The following BRIP1 variants were observed in gnomAD, a reference collection of about 807,000 sequenced individuals.
BRIP1 encodes the protein Fanconi anemia group J protein.
BRIP1 carries 88 observed loss-of-function variants against 119.7 expected under a neutral mutation model. The ratio of observed to expected loss-of-function variants is 0.74; its 90% confidence interval spans 0.62 to 0.88. The LOEUF is 0.88. Among genes scored for constraint, BRIP1 ranks in the 40% least tolerant of loss-of-function variants. The pLI, the probability that BRIP1 is intolerant of heterozygous loss-of-function variation, is 0.00. For missense variants in BRIP1, 1,259 were observed against 1,455.4 expected, an observed-to-expected ratio of 0.87 and a Z score of 2.20; for synonymous variants, 443 against 496.5, an observed-to-expected ratio of 0.89 and a Z score of 1.43.
rs1567837564 is a variant in BRIP1 at position 61,808,468 on chromosome 17, T to A, written c.917A>T (p.Asn306Ile). ...CTAACACAAAATAACTTTACTCACG[T>A]TTTTCCCATCTAGCAATTCCATGCA... ...EKCMELLDGK[N>I]GKSCYFYHGV... is the part of the protein sequence containing the mutation. Residue 306 changes from asparagine to isoleucine, a missense_variant and splice_region_variant, in exon 7 of 20, where the codon AAC becomes ATC. Physicochemically the swap from Asn to Ile is moderately radical, Grantham distance 149. Coordinates refer to ENST00000259008, the MANE Select transcript of BRIP1 (RefSeq NM_032043.3). This position sits in a 1 kb window ranked among gnomAD's most constrained non-coding sequence, Gnocchi z 4.1. 6.2e-7 allele frequency: 1 copy of A among 1,611,924 alleles called. No individual in the cohort carries two copies. Among genetic ancestry groups the A allele is most frequent in the Non-Finnish European group, 8.5e-7 (1 of 1,177,998 alleles).
chr17:61,709,186 T>C lies in BRIP1; in HGVS notation c.2492+6765A>G, dbSNP rs749088496. ...TAAATCTGAAAGTGCTTGTTGACTA[T>C]CATCAATGTAGATTTAAATTTCAGC... On this transcript the variant is annotated intron_variant, in intron 17 of 19. Transcript: ENST00000259008. This position sits in a 1 kb window ranked among gnomAD's most constrained non-coding sequence, Gnocchi z 5.0. Among the ~76,000 whole-genome samples the C allele has an allele frequency of 1.3e-5, 2 of 152,224 alleles. No individual in the cohort carries two copies. Among genetic ancestry groups the C allele is most frequent in the Non-Finnish European group, 2.9e-5 (2 of 68,040 alleles).
In BRIP1 at chr17:61,794,749, A is replaced by G. The variant is rs1378135534; in HGVS notation, c.1341-1020T>C. Among the ~76,000 whole-genome samples, 2 of 151,992 alleles carry G rather than the reference A, an allele frequency of 1.3e-5. No individual in the cohort carries two copies. The highest frequency in any genetic ancestry group is 2.9e-5 in the Non-Finnish European group (2 of 67,964). On this transcript the variant is annotated intron_variant, in intron 9 of 19. Coordinates refer to ENST00000259008, the MANE Select transcript of BRIP1 (RefSeq NM_032043.3). This position sits in a 1 kb window ranked among gnomAD's most constrained non-coding sequence, Gnocchi z 4.3. ...GGTAATTATATACAAATAAATTATG[A>G]AAATAAATTAGTTTAATATAACCTA...
Position 61,844,666 on chromosome 17 carries a change from A to G in BRIP1, c.627+2435T>C, listed in dbSNP as rs1246662358. Among the ~76,000 whole-genome samples, 1 of 152,266 alleles carries G rather than the reference A, an allele frequency of 6.6e-6. No individual in the cohort carries two copies. Among genetic ancestry groups the G allele is most frequent in the African/African-American group, 2.4e-5 (1 of 41,476 alleles). ...AGGTGACTCTATACTTGATTTGTTT[A>G]TCTGTGAGCTTCTACATATTTCTTT... On this transcript the variant is annotated intron_variant, in intron 6 of 19. Transcript: ENST00000259008. The surrounding 1 kb of genome is among the most constrained non-coding windows in gnomAD (Gnocchi z 4.7).
At position 61,844,683 on chromosome 17, in the gene BRIP1, T is replaced by C. The variant is rs1052383775; in HGVS notation, c.627+2418A>G. On this transcript the variant is annotated intron_variant, in intron 6 of 19. Transcript: ENST00000259008. The surrounding 1 kb of genome is among the most constrained non-coding windows in gnomAD (Gnocchi z 4.7). ...ATTTGTTTATCTGTGAGCTTCTACA[T>C]ATTTCTTTCCTTATCTTGGTGTTAG... Among the ~76,000 whole-genome samples, 5 of 152,350 alleles carry C rather than the reference T, an allele frequency of 3.3e-5. No homozygotes were observed. Among genetic ancestry groups the C allele is most frequent in the Non-Finnish European group, 5.9e-5 (4 of 68,020 alleles).
rs372799558 is a variant in BRIP1 at position 61,683,523 on chromosome 17, T to C, written c.3523A>G (p.Thr1175Ala). The C allele has an allele frequency of 6.8e-6, 11 of 1,613,420 alleles. No homozygotes were observed. In the African/African-American group the frequency reaches 1.3e-4, roughly 20 times the overall value. Residue 1175 changes from threonine (T) to alanine (A), a missense_variant, in exon 20 of 20, where the codon ACT becomes GCT. Physicochemically the swap from Thr to Ala is moderately conservative, Grantham distance 58 (BLOSUM62 0). Transcript: ENST00000259008. This position sits in a 1 kb window ranked among gnomAD's most constrained non-coding sequence, Gnocchi z 4.7. Reference sequence around the variant, plus strand: ...CTGGCTGAATCTACTTCTTTTATAGTTCTAATTTCAAAAAGGTCTTTAGCT... The same window carrying C: ...CTGGCTGAATCTACTTCTTTTATAGCTCTAATTTCAAAAAGGTCTTTAGCT... ...ILAKDLFEIR[T>A]IKEVDSAREV...
rs2076970714 is a variant in BRIP1 at position 61,740,372 on chromosome 17, C to A, written c.2379+2641G>T. ...TTCTGATTTGGCAGGTCTGGATGAG[C>A]CTGAAAGTCTTTATTTCTATTAAGT... On this transcript the variant is annotated intron_variant, in intron 16 of 19. Transcript: ENST00000259008. This position sits in a 1 kb window ranked among gnomAD's most constrained non-coding sequence, Gnocchi z 5.4. 6.6e-6 allele frequency among the ~76,000 whole-genome samples: 1 copy of A among 152,096 alleles called. No individual in the cohort carries two copies. The highest frequency in any genetic ancestry group is 6.5e-5 in the Admixed American group (1 of 15,274).
intron 8 of BRIP1, among the ~76,000 whole-genome samples, 185 bp downstream of exon 8, chr17:61,801,068 G>A (rs2077981699): frequency 6.6e-6 from 1 of 152,020 alleles, no homozygotes; most frequent in South Asian, 2.1e-4. Flanking sequence ...TGTTATTTTG[G>A]AAATTAAAAT....
At position 61,828,991 on chromosome 17, in the gene BRIP1, C is replaced by G. The variant is rs1489931931; in HGVS notation, c.627+18110G>C. 6.6e-6 allele frequency among the ~76,000 whole-genome samples: 1 copy of G among 151,936 alleles called. No individual in the cohort carries two copies. Among genetic ancestry groups the G allele is most frequent in the Non-Finnish European group, 1.5e-5 (1 of 67,970 alleles). On this transcript the variant is annotated intron_variant, in intron 6 of 19. Transcript: ENST00000259008. This position sits in a 1 kb window ranked among gnomAD's most constrained non-coding sequence, Gnocchi z 4.1. ...AAACTAAGAGGTATACTTAAGAAGA[C>G]AGTGGTGAAGGTAAAGTAGAATCCT...
At chr17:61,766,234 C>T (rs750947937) in intron 14 of BRIP1, among the ~76,000 whole-genome samples, 5 of 152,116 alleles carry the variant, frequency 3.3e-5, no homozygotes, top group Admixed American at 6.6e-5. Flanking sequence ...GAATTGTCTA[C>T]TCAGAATGTA....
At position 61,708,328 on chromosome 17, in the gene BRIP1, T is replaced by G. The variant is rs140437097; in HGVS notation, c.2492+7623A>C. 5.3e-5 allele frequency among the ~76,000 whole-genome samples: 8 copies of G among 152,322 alleles called. No homozygotes were observed. In the East Asian group the frequency reaches 1.5e-3, roughly 29 times the overall value. ...AAATCTCATGCTGTCCCACTCAGGA[T>G]GTTAATCATCCCTTTGTCCACCATG... On this transcript the variant is annotated intron_variant, in intron 17 of 19. Coordinates refer to ENST00000259008, the MANE Select transcript of BRIP1 (RefSeq NM_032043.3). The surrounding 1 kb of genome is among the most constrained non-coding windows in gnomAD (Gnocchi z 4.4).
At chr17:61,719,193 AT>A (rs544157166) in intron 16 of BRIP1, among the ~76,000 whole-genome samples, 2 of 134,924 alleles carry the variant, frequency 1.5e-5, no homozygotes, top group Non-Finnish European at 3.2e-5. Flanking sequence ...CCCCATGTTT[AT>A]TGCAGCACTA....
rs1555618716 is a variant in BRIP1, at chr17:61,861,471, C to CG, written c.68dup (p.Ser24ValfsTer45). 1 of 1,612,376 alleles carries CG rather than the reference C, an allele frequency of 6.2e-7. No homozygotes were observed. The highest frequency in any genetic ancestry group is 1.3e-5 in the African/African-American group (1 of 74,978). On this transcript the variant is annotated frameshift_variant, in exon 2 of 20. Transcript: ENST00000259008. LOFTEE classifies it high-confidence loss of function. The surrounding 1 kb of genome is among the most constrained non-coding windows in gnomAD (Gnocchi z 4.5). ...CAGAATTCATCATAGCAAGCTGTGA[C>CG]GGGTAAGCTTTATAAGGAAAGTAAA... is the stretch of plus-strand genomic sequence containing the variant.
At position 61,746,744 on chromosome 17, in the gene BRIP1, G is replaced by T. The variant is rs2077063159; in HGVS notation, c.2098-2153C>A. ...AATAAACAGCAATATAAGAGGAGTA[G>T]GAAAGTCATATATCTAACCTTCAGT... On this transcript the variant is annotated intron_variant, in intron 14 of 19. Coordinates refer to ENST00000259008, the MANE Select transcript of BRIP1 (RefSeq NM_032043.3). The surrounding 1 kb of genome is among the most constrained non-coding windows in gnomAD (Gnocchi z 4.9). 6.6e-6 allele frequency among the ~76,000 whole-genome samples: 1 copy of T among 152,014 alleles called. No homozygotes were observed. The highest frequency in any genetic ancestry group is 2.1e-4 in the South Asian group (1 of 4,828).
In BRIP1 at chr17:61,689,482, GAA is replaced by G. The variant is rs2061415813; in HGVS notation, c.2576-3319_2576-3318del. ...ACACATTCTGGGAGTCCTAGAAAGA[GAA>G]AGAGAGAAAGGAGCAGAAAGCTTAT... On this transcript the variant is annotated intron_variant, in intron 18 of 19. Transcript: ENST00000259008. This position sits in a 1 kb window ranked among gnomAD's most constrained non-coding sequence, Gnocchi z 4.5. 6.6e-6 allele frequency among the ~76,000 whole-genome samples: 1 copy of G among 152,120 alleles called. No individual in the cohort carries two copies. Among genetic ancestry groups the G allele is most frequent in the African/African-American group, 2.4e-5 (1 of 41,432 alleles).
rs149538258 is a variant in BRIP1, at chr17:61,753,082, G to C, written c.2098-8491C>G. Among the ~76,000 whole-genome samples the C allele has an allele frequency of 4.1e-3, 630 of 152,076 alleles. 4 individuals are homozygous for C. Among genetic ancestry groups the C allele is most frequent in the African/African-American group, 0.014 (592 of 41,482 alleles). On this transcript the variant is annotated intron_variant, in intron 14 of 19. Transcript: ENST00000259008. The surrounding 1 kb of genome is among the most constrained non-coding windows in gnomAD (Gnocchi z 4.6). ...GTATTAATGGCTTATCATGGGAGTG[G>C]GACTAGTGGCTTTATACAAAAAGGA... is the stretch of plus-strand genomic sequence containing the variant.
rs1319670574 is a variant in BRIP1, at chr17:61,832,570, GATAA to G, written c.627+14527_627+14530del. On this transcript the variant is annotated intron_variant, in intron 6 of 19. Coordinates refer to ENST00000259008, the MANE Select transcript of BRIP1 (RefSeq NM_032043.3). This position sits in a 1 kb window ranked among gnomAD's most constrained non-coding sequence, Gnocchi z 5.5. The stretch of plus-strand genomic sequence containing the variant: ...TCACTTCTGTGACATTCCTGCCAAA[GATAA>G]ATAACCTCAGTCTAATGAGAAAACC... Among the ~76,000 whole-genome samples the G allele has an allele frequency of 5.9e-5, 9 of 152,272 alleles. No individual in the cohort carries two copies. The highest frequency in any genetic ancestry group is 2.2e-4 in the African/African-American group (9 of 41,570).
chr17:61,695,490 A>G lies in BRIP1; in HGVS notation c.2493-1978T>C, dbSNP rs2061506726. 6.6e-6 allele frequency among the ~76,000 whole-genome samples: 1 copy of G among 152,110 alleles called. No individual in the cohort carries two copies. The highest frequency in any genetic ancestry group is 1.5e-5 in the Non-Finnish European group (1 of 67,970). On this transcript the variant is annotated intron_variant, in intron 17 of 19. Transcript: ENST00000259008. The surrounding 1 kb of genome is among the most constrained non-coding windows in gnomAD (Gnocchi z 4.3). ...TCTGGGTTCCTTGCTTTTCCATAAT[A>G]ATTTTAGAATCAGCTTCTCAATTCC...
In BRIP1 at chr17:61,762,353, G is replaced by A. The variant is rs1316810375; in HGVS notation, c.2097+14048C>T. Among the ~76,000 whole-genome samples the A allele has an allele frequency of 6.6e-6, 1 of 152,004 alleles. No homozygotes were observed. Among genetic ancestry groups the A allele is most frequent in the East Asian group, 1.9e-4 (1 of 5,186 alleles). On this transcript the variant is annotated intron_variant, in intron 14 of 19. Coordinates refer to ENST00000259008, the MANE Select transcript of BRIP1 (RefSeq NM_032043.3). The surrounding 1 kb of genome is among the most constrained non-coding windows in gnomAD (Gnocchi z 4.3). The stretch of plus-strand genomic sequence containing the variant: ...CATTGGTTTAGGCAATGATTTTTTG[G>A]ATTTGATCCCAAAAGCACAGGCAAC...
Position 61,706,524 on chromosome 17 carries a change from G to A in BRIP1, c.2492+9427C>T, listed in dbSNP as rs909012832. Among the ~76,000 whole-genome samples the A allele has an allele frequency of 6.6e-6, 1 of 151,996 alleles. No homozygotes were observed. The highest frequency in any genetic ancestry group is 1.5e-5 in the Non-Finnish European group (1 of 67,980). On this transcript the variant is annotated intron_variant, in intron 17 of 19. Coordinates refer to ENST00000259008, the MANE Select transcript of BRIP1 (RefSeq NM_032043.3). This position sits in a 1 kb window ranked among gnomAD's most constrained non-coding sequence, Gnocchi z 5.7. Reference sequence around the variant, plus strand: ...TCCTGTTTACAATTCCCATTCCTCAGAAACAATTACTTTCAATATTTTAGG... The same window carrying A: ...TCCTGTTTACAATTCCCATTCCTCAAAAACAATTACTTTCAATATTTTAGG...
Sources: allele counts gnomAD v4.1 joint callset (sites outside exome capture counted in the v4.1 genomes callset), GRCh38; gene constraint gnomAD v4.1.1; non-coding constraint Gnocchi (gnomAD v3.1); transcripts MANE v1.5; gene names NCBI Gene and HGNC (gene_info 2026-07-23, HGNC 2026-07-21).